The following PSD4 variants were observed in gnomAD, a reference collection of about 807,000 sequenced individuals.
PSD4 encodes the protein PH and SEC7 domain-containing protein 4.
PSD4 carries 59 observed loss-of-function variants against 112.5 expected under a neutral mutation model. That is an observed-to-expected ratio of 0.52 (90% CI 0.43 to 0.65). PSD4 has a LOEUF of 0.65. Among genes scored for constraint, PSD4 ranks in the 30% least tolerant of loss-of-function variants. PSD4 has a pLI of 0.00. For synonymous variants in PSD4, 533 were observed against 540.0 expected, an observed-to-expected ratio of 0.99 and a Z score of 0.18; for missense variants, 1,267 against 1,352.6, an observed-to-expected ratio of 0.94 and a Z score of 0.99.
intron 9 of PSD4, 104 bp downstream of exon 9, chr2:113,193,754 A>G (rs1688522843): frequency 1.4e-5 from 21 of 1,551,428 alleles, no homozygotes; most frequent in Non-Finnish European, 1.9e-5. Flanking sequence ...CCCCTGAGGG[A>G]TGTGGGCCTG....
chr2:113,189,351 G>GTATATATATATA (rs35251391), intron 5 of PSD4, among the ~76,000 whole-genome samples: 2 of 146,126 alleles, frequency 1.4e-5, no homozygotes, highest in African/African-American at 5.1e-5. Flanking sequence ...ATATATAATA[G>GTATATATATATA]TATATATATA....
chr2:113,178,579 AAG>A (rs1329695852), intron 1 of PSD4, among the ~76,000 whole-genome samples: 2 of 151,992 alleles, frequency 1.3e-5, no homozygotes, highest in African/African-American at 4.8e-5. Flanking sequence ...CATATGTGCA[AAG>A]AGAGACAAGT....
Position 113,202,260 on chromosome 2 carries a change from G to C in PSD4, c.*845G>C, listed in dbSNP as rs1252877723. 6.6e-6 allele frequency: 1 copy of C among 152,326 alleles called. No homozygotes were observed. Among genetic ancestry groups the C allele is most frequent in the South Asian group, 2.1e-4 (1 of 4,842 alleles). The allele number at this position is 152,326 out of a possible 1,614,324, so 9.4% of individuals were successfully genotyped here. A position where few individuals can be genotyped will look rare whatever the true frequency, so the allele number is the denominator to read the frequency against. On this transcript the variant is annotated 3_prime_UTR_variant, in exon 17 of 17. Transcript: ENST00000245796. ...CCTTTGTTCCAACAGAGCAGAGAAGGAGGTTCTCTATGTTCAGACCACTGG... is the reference window on the plus strand; with the variant it reads ...CCTTTGTTCCAACAGAGCAGAGAAGCAGGTTCTCTATGTTCAGACCACTGG...
Position 113,186,093 on chromosome 2 carries a change from A to G in PSD4, c.1466A>G (p.Gln489Arg), listed in dbSNP as rs1688292434. Reference protein sequence around the residue: ...ILPKWTLDASQSSLLETDGEQ... With the variant: ...ILPKWTLDASRSSLLETDGEQ... ...CCCAAGTGGACACTAGATGCTTCAC[A>G]GTCTTCACTCTTGGAGACGGATGGG... The change falls in exon 5 of 17, where the codon CAG becomes CGG. Residue 489 changes from glutamine to arginine, a missense_variant. Physicochemically the swap from Gln to Arg is conservative, Grantham distance 43 (BLOSUM62 1). Transcript: ENST00000245796. 1.9e-6 allele frequency: 3 copies of G among 1,614,104 alleles called. No homozygotes were observed. Among genetic ancestry groups the G allele is most frequent in the East Asian group, 2.2e-5 (1 of 44,892 alleles).
intron 12 of PSD4, 61 bp from the exon 13 acceptor site, chr2:113,197,503 C>A: frequency 6.3e-7 from 1 of 1,582,442 alleles, no homozygotes; most frequent in Non-Finnish European, 8.7e-7. Flanking sequence ...TTGCGTGTGT[C>A]TGAGTGTGTC....
At chr2:113,189,366 T>TATATATATATATATATATATATAC (rs1553475554) in intron 5 of PSD4, among the ~76,000 whole-genome samples, 2 of 150,312 alleles carry the variant, frequency 1.3e-5, no homozygotes, top group African/African-American at 4.9e-5. Context: ...TATATATATA[T>TATATATATATATATATATATATAC]ACACACACAC....
intron 8 of PSD4, 25 bp downstream of exon 8, chr2:113,193,395 C>A (rs1201034327): frequency 6.2e-7 from 1 of 1,603,148 alleles, no homozygotes; most frequent in East Asian, 2.2e-5. Flanking sequence ...GCCCTGACAG[C>A]AAAGCAGGGA....
chr2:113,197,386 T>TA (rs1688640739), intron 12 of PSD4, 178 bp from the exon 13 acceptor site: 3 of 695,532 alleles, frequency 4.3e-6, no homozygotes, highest in South Asian at 1.7e-5. Flanking sequence ...AGACTCTATA[T>TA]GTTTGTTTAC....
At position 113,204,161 on chromosome 2, in the gene PSD4, C is replaced by T. The variant is rs1160452963; in HGVS notation, c.*2746C>T. 1 of 152,294 alleles carries T rather than the reference C, an allele frequency of 6.6e-6. No homozygotes were observed. Among genetic ancestry groups the T allele is most frequent in the Admixed American group, 6.5e-5 (1 of 15,282 alleles). 9.4% of individuals were successfully genotyped at this position (152,294 alleles called of 1,614,324 possible). ...CCTGCTGTGGAGCTGAGCTGTGCTC[C>T]CTGAAAGGCAGGAAGTTATTATGTG... On this transcript the variant is annotated 3_prime_UTR_variant, in exon 17 of 17. Coordinates refer to ENST00000245796, the MANE Select transcript of PSD4 (RefSeq NM_012455.3).
At position 113,201,346 on chromosome 2, in the gene PSD4, G is replaced by GAAGCA; in HGVS notation, c.3106_3107insAAAGC (p.Arg1036GlnfsTer38). The GAAGCA allele has an allele frequency of 6.2e-7, 1 of 1,614,188 alleles. No homozygotes were observed. The highest frequency in any genetic ancestry group is 8.5e-7 in the Non-Finnish European group (1 of 1,180,030). On this transcript the variant is annotated frameshift_variant, in exon 17 of 17. Coordinates refer to ENST00000245796, the MANE Select transcript of PSD4 (RefSeq NM_012455.3). LOFTEE classifies it high-confidence loss of function. ...ATGAGGCTCCCACCACGGCCAAGGT[G>GAAGCA]AAGCGCAACATCTCAGAGCGCAGAA...
chr2:113,176,825 G>A (rs892929799), intron 1 of PSD4, among the ~76,000 whole-genome samples: 2 of 152,194 alleles, frequency 1.3e-5, no homozygotes. Flanking sequence ...TGCCTAGAGG[G>A]TGCCATCCTA....
At position 113,194,287 on chromosome 2, in the gene PSD4, A is replaced by T. The variant is rs183886170; in HGVS notation, c.2181+339A>T. Among the ~76,000 whole-genome samples, 29 of 152,310 alleles carry T rather than the reference A, an allele frequency of 1.9e-4. No individual in the cohort carries two copies. The East Asian group carries it at 5.4e-3, about 28-fold the overall frequency. ...AAAGCTACACATGGTGAAAGTCTGG[A>T]GCTCAGACTTGGGAGCCTGGTGTTC... On this transcript the variant is annotated intron_variant, in intron 10 of 16. Transcript: ENST00000245796.
chr2:113,194,794 C>T (rs1236945394), intron 10 of PSD4, among the ~76,000 whole-genome samples: 1 of 152,190 alleles, frequency 6.6e-6, no homozygotes, highest in African/African-American at 2.4e-5. Flanking sequence ...AGGACAGCTC[C>T]ATCACAACCT....
chr2:113,201,238 G>A lies in PSD4; in HGVS notation c.2994G>A (p.Glu998=). The change falls in exon 17 of 17, where the codon GAG becomes GAA. Residue 998 remains glutamate, a synonymous_variant. Coordinates refer to ENST00000245796, the MANE Select transcript of PSD4 (RefSeq NM_012455.3). ...CTGATGCTCTGGACCTGTGGGAGGA[G>A]CAGCTGGGGAGGGAAGCTGGAGGCA... The part of the protein sequence containing the change: ...CPSDALDLWE[E]QLGREAGGTR... 6.2e-7 allele frequency: 1 copy of A among 1,614,184 alleles called. No individual in the cohort carries two copies.
intron 5 of PSD4, among the ~76,000 whole-genome samples, chr2:113,188,895 TTTTC>T (rs1309820689): frequency 3.3e-5 from 5 of 152,212 alleles, no homozygotes; most frequent in Non-Finnish European, 7.3e-5. Context: ...TTGAATTTTC[TTTTC>T]TTTCTTTTTT....
intron 15 of PSD4, 65 bp from the exon 16 acceptor site, chr2:113,199,018 C>T: frequency 6.6e-7 from 1 of 1,509,748 alleles, no homozygotes; most frequent in Non-Finnish European, 8.8e-7. Context: ...GGGCGGCGCG[C>T]CCGGGCCCGG....
chr2:113,193,763 T>A, intron 9 of PSD4, 96 bp from the exon 10 acceptor site: 1 of 1,557,038 alleles, frequency 6.4e-7, no homozygotes, highest in Non-Finnish European at 8.9e-7. Context: ...GATGTGGGCC[T>A]GGGGAGCTGG....
At chr2:113,197,537 A>G in intron 12 of PSD4, 27 bp from the exon 13 acceptor site, 1 of 1,613,824 alleles carries the variant, frequency 6.2e-7, no homozygotes, top group South Asian at 1.1e-5. Flanking sequence ...CCCCACCTAC[A>G]ACATTTGTGT....
At chr2:113,184,922 T>C in intron 2 of PSD4, 35 bp from the exon 3 acceptor site, 1 of 1,612,504 alleles carries the variant, frequency 6.2e-7, no homozygotes, top group Non-Finnish European at 8.5e-7. Flanking sequence ...ACCTCTCCTC[T>C]CCTTCTCTCC....
Sources: gnomAD v4.1 joint callset for allele counts (sites outside exome capture counted in the v4.1 genomes callset) on GRCh38, gnomAD v4.1.1 for gene constraint, MANE v1.5 for transcripts, NCBI Gene and HGNC (gene_info 2026-07-23, HGNC 2026-07-21) for gene names.